The following HECA variants were observed in gnomAD, a reference collection of about 807,000 sequenced individuals.
HECA encodes the protein HECA ribonucleoprotein granule regulator.
A neutral mutation model predicts 37.6 loss-of-function variants in HECA; 13 were observed. That is an observed-to-expected ratio of 0.35 (90% CI 0.23 to 0.55). HECA has a LOEUF of 0.55. Ranked by LOEUF, HECA falls within the 20% of genes least tolerant of loss-of-function variation. HECA has a pLI of 0.90. For synonymous variants in HECA, 307 were observed against 291.5 expected, an observed-to-expected ratio of 1.05 and a Z score of -0.54; for missense variants, 527 against 701.9, an observed-to-expected ratio of 0.75 and a Z score of 2.82.
Position 139,159,551 on chromosome 6 carries a change from C to T in HECA, c.272-6733C>T, listed in dbSNP as rs528651215. ...TGAGGGTGAGGGCCAGGCTCTGTCC[C>T]GACAGAGAAGGCCTGGACTGAATCT... On this transcript the variant is annotated intron_variant, in intron 1 of 3. Transcript: ENST00000367658. 1.2e-4 allele frequency among the ~76,000 whole-genome samples: 18 copies of T among 152,138 alleles called. No individual in the cohort carries two copies. In the East Asian group the frequency reaches 2.7e-3, roughly 23 times the overall value.
chr6:139,157,395 T>A (rs962612077), intron 1 of HECA, among the ~76,000 whole-genome samples: 1 of 152,188 alleles, frequency 6.6e-6, no homozygotes, highest in African/African-American at 2.4e-5. Flanking sequence ...TTTACCCAGC[T>A]CCTATTTAAG....
intron 1 of HECA, among the ~76,000 whole-genome samples, chr6:139,154,706 C>T: frequency 6.6e-6 from 1 of 152,180 alleles, no homozygotes; most frequent in South Asian, 2.1e-4. Context: ...GGCCTTTGGC[C>T]TCCAAATACC....
At chr6:139,175,560 A>C (rs1775039729) in intron 3 of HECA, among the ~76,000 whole-genome samples, 1 of 152,182 alleles carries the variant, frequency 6.6e-6, no homozygotes, top group Non-Finnish European at 1.5e-5. Flanking sequence ...AAATTGAAGA[A>C]ATAAGGAAGT....
intron 2 of HECA, among the ~76,000 whole-genome samples, chr6:139,173,246 CTT>C (rs1454319947): frequency 2.0e-5 from 3 of 152,208 alleles, no homozygotes; most frequent in Non-Finnish European, 4.4e-5. Flanking sequence ...GGTTATCTGT[CTT>C]TGGCTGTTAA....
In HECA at chr6:139,179,814, A is replaced by C. The variant is rs1775108576; in HGVS notation, c.*2709A>C. On this transcript the variant is annotated 3_prime_UTR_variant, in exon 4 of 4. Coordinates refer to ENST00000367658, the MANE Select transcript of HECA (RefSeq NM_016217.3). ...ATACTAAAAGGATATTAGTTACCCA[A>C]GAGATCCAATTTGTTTTTCTGATGA... The C allele has an allele frequency of 6.6e-6, 1 of 152,208 alleles. No homozygotes were observed. 9.4% of individuals were successfully genotyped at this position (152,208 alleles called of 1,614,324 possible).
At chr6:139,139,535 A>G (rs1217360187) in intron 1 of HECA, among the ~76,000 whole-genome samples, 1 of 152,242 alleles carries the variant, frequency 6.6e-6, no homozygotes, top group African/African-American at 2.4e-5. Flanking sequence ...TCTTGGCATC[A>G]TTCCTAGTGG....
chr6:139,160,500 A>G (rs540461778), intron 1 of HECA, among the ~76,000 whole-genome samples: 26 of 152,296 alleles, frequency 1.7e-4, no homozygotes, highest in African/African-American at 5.3e-4. Flanking sequence ...TGCAGCCTCA[A>G]TTTCCTCGAC....
chr6:139,166,608 A>T lies in HECA; in HGVS notation c.596A>T (p.Asp199Val). Residue 199 changes from aspartate (D) to valine (V), a missense_variant, in exon 2 of 4, where the codon GAC becomes GTC. Asp to Val is a radical substitution (Grantham distance 152). Coordinates refer to ENST00000367658, the MANE Select transcript of HECA (RefSeq NM_016217.3). The stretch of plus-strand genomic sequence containing the variant: ...TGGTATCAGGTGAAGCGGATGCAGG[A>T]CGAGAAAAAGAAGAAGTCTGGCTCC... ...TDWYQVKRMQ[D>V]EKKKKSGSEK... 6.2e-7 allele frequency: 1 copy of T among 1,614,250 alleles called. No homozygotes were observed. Among genetic ancestry groups the T allele is most frequent in the Middle Eastern group, 1.6e-4 (1 of 6,062 alleles).
In HECA at chr6:139,174,509, CG is replaced by C. The variant is rs1562250773; in HGVS notation, c.1438del (p.Asp480ThrfsTer13). The C allele has an allele frequency of 6.2e-7, 1 of 1,613,926 alleles. No individual in the cohort carries two copies. The highest frequency in any genetic ancestry group is 1.7e-5 in the Admixed American group (1 of 60,002). ...ACCAGCTGGGCACTATGTACACCTACGACATCCTGGCTGCCTCTCCATGTTG... is the reference window on the plus strand; with the variant it reads ...ACCAGCTGGGCACTATGTACACCTACACATCCTGGCTGCCTCTCCATGTTG... Reference protein sequence around the residue: ...WHQLGTMYTYDILAASPCCQA... With the variant: ...WHQLGTMYTYXILAASPCCQA... On this transcript the variant is annotated frameshift_variant, in exon 3 of 4. Transcript: ENST00000367658. LOFTEE classifies it high-confidence loss of function.
chr6:139,171,278 A>T (rs1025287183), intron 2 of HECA, among the ~76,000 whole-genome samples: 2 of 152,228 alleles, frequency 1.3e-5, no homozygotes, highest in Non-Finnish European at 2.9e-5. Context: ...AAATCTTGAG[A>T]GTACCTTTCA....
At chr6:139,142,705 T>A (rs886965661) in intron 1 of HECA, among the ~76,000 whole-genome samples, 2 of 152,128 alleles carry the variant, frequency 1.3e-5, no homozygotes. Flanking sequence ...CCCAGCACTT[T>A]TGGAGGCCGA....
At chr6:139,162,822 A>G (rs1774825086) in intron 1 of HECA, among the ~76,000 whole-genome samples, 1 of 152,162 alleles carries the variant, frequency 6.6e-6, no homozygotes. Flanking sequence ...GAGGAGTCAC[A>G]TGGTTTGTTC....
chr6:139,137,626 A>C, intron 1 of HECA, among the ~76,000 whole-genome samples: 1 of 120,804 alleles, frequency 8.3e-6, no homozygotes, highest in African/African-American at 3.4e-5. Flanking sequence ...CCCCCCTACC[A>C]GCTCCTTTTT....
At chr6:139,139,215 C>T (rs1311551962) in intron 1 of HECA, among the ~76,000 whole-genome samples, 1 of 152,192 alleles carries the variant, frequency 6.6e-6, no homozygotes, top group Admixed American at 6.5e-5. Flanking sequence ...GATTGGCTTT[C>T]CATTTGGTGG....
intron 2 of HECA, 68 bp downstream of exon 2, chr6:139,167,392 G>A: frequency 7.8e-7 from 1 of 1,288,810 alleles, no homozygotes. Flanking sequence ...AAGACAGATT[G>A]CTCTATTTTG....
chr6:139,160,647 G>T (rs1465594549), intron 1 of HECA, among the ~76,000 whole-genome samples: 1 of 152,066 alleles, frequency 6.6e-6, no homozygotes, highest in Admixed American at 6.6e-5. Flanking sequence ...ACTCCTGGCC[G>T]CAAGTGATTC....
At position 139,166,579 on chromosome 6, in the gene HECA, A is replaced by G; in HGVS notation, c.567A>G (p.Thr189=). Residue 189 remains threonine (T), a synonymous_variant, in exon 2 of 4, where the codon ACA becomes ACG. Coordinates refer to ENST00000367658, the MANE Select transcript of HECA (RefSeq NM_016217.3). ...RCGQGHLKKD[T]DWYQVKRMQD... is the part of the protein sequence containing the mutation. ...GCCAGGGCCACTTGAAGAAGGACAC[A>G]GACTGGTATCAGGTGAAGCGGATGC... The G allele has an allele frequency of 6.2e-7, 1 of 1,614,246 alleles. No homozygotes were observed. The highest frequency in any genetic ancestry group is 8.5e-7 in the Non-Finnish European group (1 of 1,180,046).
At chr6:139,147,130 A>G (rs767806714) in intron 1 of HECA, among the ~76,000 whole-genome samples, 8 of 152,170 alleles carry the variant, frequency 5.3e-5, no homozygotes, top group Non-Finnish European at 7.3e-5. Context: ...TCTTGCAGAA[A>G]AGGCTTGGCT....
chr6:139,137,975 A>G (rs78993221), intron 1 of HECA, among the ~76,000 whole-genome samples: 3,150 of 152,214 alleles, frequency 0.021, 116 homozygotes, highest in African/African-American at 0.072. Flanking sequence ...GCCAAATTTT[A>G]TGATGCCTGA....
Sources: gnomAD v4.1 joint callset for allele counts (sites outside exome capture counted in the v4.1 genomes callset) on GRCh38, gnomAD v4.1.1 for gene constraint, MANE v1.5 for transcripts, NCBI Gene and HGNC (gene_info 2026-07-23, HGNC 2026-07-21) for gene names.